The following KANK1 variants were observed in gnomAD, a reference collection of about 807,000 sequenced individuals.
KANK1 encodes KN motif and ankyrin repeat domain-containing protein 1.
In KANK1, 109 loss-of-function variants were observed where a neutral mutation model predicts 106.2. The ratio of observed to expected loss-of-function variants is 1.03; its 90% CI spans 0.88 to 1.20. The LOEUF is 1.20. Among genes scored for constraint, KANK1 ranks in the 50% most tolerant of loss-of-function variants. KANK1 has a pLI of 0.00. For missense variants in KANK1, 2,399 were observed against 1,710.7 expected (o/e 1.40, Z -7.10); for synonymous variants, 873 against 652.2 (o/e 1.34, Z -5.16).
intron 1 of KANK1, among the ~76,000 whole-genome samples, chr9:531,624 A>G (rs1032341165): frequency 8.5e-5 from 13 of 152,202 alleles, no homozygotes; most frequent in Admixed American, 8.5e-4. Flanking sequence ...GTCCAGTCTC[A>G]GGTGATGAAA....
intron 1 of KANK1, among the ~76,000 whole-genome samples, chr9:610,045 A>G (rs1016969200): frequency 6.6e-6 from 1 of 152,206 alleles, no homozygotes; most frequent in African/African-American, 2.4e-5. Flanking sequence ...ACATTAATGT[A>G]CAATAATTTA....
intron 1 of KANK1, among the ~76,000 whole-genome samples, chr9:576,793 C>T (rs920546272): frequency 3.3e-5 from 5 of 151,798 alleles, no homozygotes; most frequent in African/African-American, 1.2e-4. Flanking sequence ...ATTCCCTGTA[C>T]GTACCATGTA....
chr9:710,409 G>C (rs929527424), intron 2 of KANK1, among the ~76,000 whole-genome samples: 3 of 152,004 alleles, frequency 2.0e-5, no homozygotes, highest in African/African-American at 7.2e-5. Flanking sequence ...CCTAAGGTCA[G>C]GAGTTCGAGA....
Position 557,066 on chromosome 9 carries a change from C to A in KANK1, c.-84+52312C>A, listed in dbSNP as rs866889318. Among the ~76,000 whole-genome samples the A allele has an allele frequency of 2.0e-5, 3 of 151,894 alleles. No homozygotes were observed. The Middle Eastern group carries it at 0.01, about 517-fold the overall frequency. On this transcript the variant is annotated intron_variant, in intron 1 of 11. Transcript: ENST00000382297. ...AGTGTAGTGGCTCATGCCTGCAATC[C>A]TAGTACTTTGAGAGGCCAAGGCAGG...
At position 732,438 on chromosome 9, in the gene KANK1, T is replaced by C. The variant is rs777983483; in HGVS notation, c.3066T>C (p.Asp1022=). The change falls in exon 6 of 12, where the codon GAT becomes GAC. Residue 1022 remains aspartate (D), a synonymous_variant. Transcript: ENST00000382297. ...ATGAAAGCTCTTCTTCCGAGTCAGA[T>C]GACGAGTGTGATGTCATTGAGTATC... ...SSDESSSSES[D]DECDVIEYPL... is the part of the protein sequence containing the mutation. The C allele has an allele frequency of 1.1e-5, 18 of 1,614,134 alleles. No individual in the cohort carries two copies. Among genetic ancestry groups the C allele is most frequent in the Non-Finnish European group, 1.5e-5 (18 of 1,180,012 alleles).
intron 1 of KANK1, among the ~76,000 whole-genome samples, chr9:526,206 C>G (rs1234864474): frequency 1.3e-5 from 2 of 151,748 alleles, no homozygotes; most frequent in Non-Finnish European, 2.9e-5. Flanking sequence ...GATCCTGGTG[C>G]TGTCTCTCAG....
intron 3 of KANK1, among the ~76,000 whole-genome samples, chr9:727,126 A>G (rs539402311): frequency 3.3e-5 from 5 of 152,326 alleles, no homozygotes; most frequent in South Asian, 4.1e-4. Flanking sequence ...CAGTGCTTAT[A>G]TGGTTGTTTC....
chr9:578,889 A>T (rs189619507), intron 1 of KANK1, among the ~76,000 whole-genome samples: 74 of 152,330 alleles, frequency 4.9e-4, no homozygotes, highest in Middle Eastern at 3.4e-3. Context: ...CATCTCGAAG[A>T]TGACGAGCTT....
intron 3 of KANK1, among the ~76,000 whole-genome samples, chr9:489,524 G>C (rs2058344975): frequency 6.6e-6 from 1 of 152,092 alleles, no homozygotes; most frequent in Non-Finnish European, 1.5e-5. Flanking sequence ...TGATAGTTTG[G>C]GCCAGAGAGT....
intron 1 of KANK1, among the ~76,000 whole-genome samples, chr9:597,532 C>T (rs1826518107): frequency 6.6e-6 from 1 of 151,586 alleles, no homozygotes; most frequent in Non-Finnish European, 1.5e-5. Context: ...TGTTGAAGTC[C>T]TTTGCCCATT....
At chr9:613,402 T>C (rs919630194) in intron 1 of KANK1, among the ~76,000 whole-genome samples, 1 of 151,756 alleles carries the variant, frequency 6.6e-6, no homozygotes, top group African/African-American at 2.4e-5. Flanking sequence ...AGGCTGCATG[T>C]GGCCCAGGAC....
chr9:684,563 A>T (rs550541734), intron 2 of KANK1: 227 of 985,440 alleles, frequency 2.3e-4, no homozygotes, highest in South Asian at 5.6e-4. Flanking sequence ...CTTCCTCAGC[A>T]GACTTCTCGT....
At chr9:588,077 AAAG>A (rs1359804236) in intron 1 of KANK1, among the ~76,000 whole-genome samples, 4 of 85,446 alleles carry the variant, frequency 4.7e-5, no homozygotes, top group African/African-American at 5.8e-5. Context: ...AGAAAAAAAA[AAAG>A]AAAGAAAGAA....
chr9:501,346 C>A (rs1302758912), upstream of KANK1, among the ~76,000 whole-genome samples: 2 of 152,058 alleles, frequency 1.3e-5, no homozygotes, highest in Admixed American at 1.3e-4. Context: ...TTTTCAGTAC[C>A]AGTCTCCATC....
At chr9:523,792 G>A (rs2059658141) in intron 1 of KANK1, among the ~76,000 whole-genome samples, 1 of 149,192 alleles carries the variant, frequency 6.7e-6, no homozygotes, top group African/African-American at 2.5e-5. Flanking sequence ...GGCACTCCAG[G>A]TCTCTCTTAA....
intron 2 of KANK1, among the ~76,000 whole-genome samples, chr9:693,260 C>T (rs1203100344): frequency 1.3e-5 from 2 of 152,110 alleles, no homozygotes; most frequent in Admixed American, 1.3e-4. Context: ...ATTCCAGCCT[C>T]GGTTCAGCAT....
intron 3 of KANK1, among the ~76,000 whole-genome samples, chr9:483,353 C>G (rs1308014453): frequency 6.6e-6 from 1 of 152,076 alleles, no homozygotes; most frequent in Non-Finnish European, 1.5e-5. Context: ...CTTCAATCCC[C>G]AGAGATTTAG....
Position 607,353 on chromosome 9 carries a change from C to T in KANK1, c.-83-69537C>T, listed in dbSNP as rs150164353. On this transcript the variant is annotated intron_variant, in intron 1 of 11. Coordinates refer to ENST00000382297, the MANE Select transcript of KANK1 (RefSeq NM_015158.5). ...ATACAAAAATTAGCTGGTGTGGCGA[C>T]GCACACCTGTAGTCCCAGCTATTTG... is the stretch of plus-strand genomic sequence containing the variant. Among the ~76,000 whole-genome samples, 1,114 of 151,494 alleles carry T rather than the reference C, an allele frequency of 7.4e-3. 42 individuals are homozygous for T. The highest frequency in any genetic ancestry group is 0.057 in the Admixed American group (877 of 15,254).
chr9:740,981 A>G lies in KANK1; in HGVS notation c.3696+47A>G, dbSNP rs371161508. The G allele has an allele frequency of 3.7e-5, 59 of 1,605,778 alleles. No individual in the cohort carries two copies. In the African/African-American group the frequency reaches 5.9e-4, roughly 16 times the overall value. ...GCTCAGGAATGCACCCGTAACCAGC[A>G]GACAGGACTGCGGTGGCCATTCTGG... On this transcript the variant is annotated intron_variant, in intron 9 of 11. Coordinates refer to ENST00000382297, the MANE Select transcript of KANK1 (RefSeq NM_015158.5).
Sources: allele counts gnomAD v4.1 joint callset (sites outside exome capture counted in the v4.1 genomes callset), GRCh38; gene constraint gnomAD v4.1.1; transcripts MANE v1.5; gene names NCBI Gene and HGNC (gene_info 2026-07-23, HGNC 2026-07-21).